The following MAPK10 variants were observed in gnomAD, a reference collection of about 807,000 sequenced individuals.
The protein encoded by MAPK10 is mitogen-activated protein kinase 10.
Under a neutral mutation model 59.3 loss-of-function variants are expected in MAPK10, and 25 were observed. The observed-to-expected ratio is 0.42, with a 90% CI of 0.31 to 0.59. The LOEUF is 0.59. Ranked by LOEUF, MAPK10 falls within the 20% of genes least tolerant of loss-of-function variation. The pLI is 0.15. For missense variants in MAPK10, 351 were observed against 568.9 expected, an observed-to-expected ratio of 0.62 and a Z score of 3.90; for synonymous variants, 190 against 200.5, an observed-to-expected ratio of 0.95 and a Z score of 0.44.
chr4:86,504,519 A>G (rs1052911096), intron 1 of MAPK10, among the ~76,000 whole-genome samples: 3 of 152,192 alleles, frequency 2.0e-5, no homozygotes, highest in African/African-American at 7.2e-5. Context: ...ACAGTTTACT[A>G]TTATGTAGGA....
At chr4:86,321,907 G>C (rs1209008351) in intron 2 of MAPK10, 1 of 150,092 alleles carries the variant, frequency 6.7e-6, no homozygotes, top group Non-Finnish European at 1.5e-5. Flanking sequence ...ATGTTTTCCA[G>C]GCTGGTCTCA....
At chr4:86,182,476 G>A (rs1453866107) in intron 3 of MAPK10, among the ~76,000 whole-genome samples, 1 of 152,084 alleles carries the variant, frequency 6.6e-6, no homozygotes, top group Non-Finnish European at 1.5e-5. Context: ...TTATTGACAA[G>A]TTTTTTAAGA....
intron 1 of MAPK10, among the ~76,000 whole-genome samples, chr4:86,470,292 T>C (rs1344846587): frequency 1.3e-5 from 2 of 152,182 alleles, no homozygotes; most frequent in Non-Finnish European, 2.9e-5. Flanking sequence ...AACTGAAACA[T>C]GAAGTTGATG....
At chr4:86,053,588 T>C (rs1291628715) in intron 11 of MAPK10, among the ~76,000 whole-genome samples, 1 of 152,194 alleles carries the variant, frequency 6.6e-6, no homozygotes, top group Non-Finnish European at 1.5e-5. Flanking sequence ...GTATAAAATT[T>C]GGTAAATTTT....
intron 1 of MAPK10, among the ~76,000 whole-genome samples, chr4:86,587,031 T>C (rs1762696115): frequency 6.6e-6 from 1 of 152,212 alleles, no homozygotes; most frequent in African/African-American, 2.4e-5. Context: ...CTTTTTGTTG[T>C]TTGGCTTTAA....
intron 2 of MAPK10, among the ~76,000 whole-genome samples, chr4:86,287,007 T>C (rs1296663593): frequency 6.6e-6 from 1 of 152,176 alleles, no homozygotes; most frequent in African/African-American, 2.4e-5. Flanking sequence ...TAAGGGACTT[T>C]AAGCTGCATT....
At chr4:86,572,086 T>C (rs1254822886) in intron 1 of MAPK10, among the ~76,000 whole-genome samples, 1 of 152,158 alleles carries the variant, frequency 6.6e-6, no homozygotes, top group African/African-American at 2.4e-5. Context: ...AATCACACAA[T>C]TCTTATTTTG....
At chr4:86,174,550 A>G (rs971357707) in intron 3 of MAPK10, among the ~76,000 whole-genome samples, 4 of 152,200 alleles carry the variant, frequency 2.6e-5, no homozygotes, top group African/African-American at 7.2e-5. Flanking sequence ...ATCATGGCAC[A>G]TATTTACCTA....
chr4:86,527,382 T>C (rs958991464), intron 1 of MAPK10, among the ~76,000 whole-genome samples: 1 of 104,452 alleles, frequency 9.6e-6, no homozygotes, highest in African/African-American at 3.8e-5. Flanking sequence ...AAAGAAGACA[T>C]ATAAATGGCC....
chr4:86,362,082 GATA>G (rs151140443), upstream of MAPK10, among the ~76,000 whole-genome samples: 1,544 of 152,144 alleles, frequency 0.01, 30 homozygotes, highest in African/African-American at 0.035. Flanking sequence ...TGAGGTGACA[GATA>G]ATGAGCCTGA....
At chr4:86,215,718 C>T (rs113746556) in intron 2 of MAPK10, among the ~76,000 whole-genome samples, 46 of 152,046 alleles carry the variant, frequency 3.0e-4, no homozygotes, top group Admixed American at 5.2e-4. Context: ...AAAAATTAGC[C>T]GGGCGTTGTG....
rs150745624 is a variant in MAPK10 at position 86,541,800 on chromosome 4, G to C, written c.-263+52110C>G. Among the ~76,000 whole-genome samples the C allele has an allele frequency of 1.3e-3, 198 of 152,222 alleles. 1 individual carries two copies. The highest frequency in any genetic ancestry group is 2.2e-3 in the Admixed American group (34 of 15,282). ...TGGGTCCTAATCTTCCAAAGCCTGGGTGTTTTTTATTCTGTGGACTGCCAA... is the reference window on the plus strand; with the variant it reads ...TGGGTCCTAATCTTCCAAAGCCTGGCTGTTTTTTATTCTGTGGACTGCCAA... On this transcript the variant is annotated intron_variant, in intron 1 of 4. Transcript: ENST00000502302.
At chr4:86,147,742 A>G (rs2065355753) in intron 4 of MAPK10, among the ~76,000 whole-genome samples, 1 of 152,242 alleles carries the variant, frequency 6.6e-6, no homozygotes, top group Non-Finnish European at 1.5e-5. Context: ...AAATTGGTAT[A>G]GTATTTAATA....
chr4:86,128,696 C>A (rs2060487982), intron 4 of MAPK10, among the ~76,000 whole-genome samples: 1 of 151,938 alleles, frequency 6.6e-6, no homozygotes, highest in South Asian at 2.1e-4. Context: ...ACTATGTTTG[C>A]TATTTTTCCA....
At chr4:86,375,734 A>T (rs1274411627) in intron 1 of MAPK10, among the ~76,000 whole-genome samples, 3 of 151,102 alleles carry the variant, frequency 2.0e-5, no homozygotes, top group Admixed American at 1.3e-4. Context: ...AAAAAAAAAA[A>T]AAAAAAAAAT....
At chr4:86,569,590 AT>A (rs1391201433) in intron 1 of MAPK10, among the ~76,000 whole-genome samples, 1 of 152,216 alleles carries the variant, frequency 6.6e-6, no homozygotes, top group Non-Finnish European at 1.5e-5. Context: ...AAAATGTGGT[AT>A]TATATATACC....
At chr4:86,333,785 A>G (rs1211615750) in intron 2 of MAPK10, among the ~76,000 whole-genome samples, 3 of 152,200 alleles carry the variant, frequency 2.0e-5, no homozygotes, top group Non-Finnish European at 4.4e-5. Flanking sequence ...AAAATCAGGG[A>G]TCACAGTAGC....
chr4:86,043,107 G>T (rs976588807), intron 11 of MAPK10, among the ~76,000 whole-genome samples: 2 of 152,048 alleles, frequency 1.3e-5, no homozygotes, highest in South Asian at 4.1e-4. Context: ...TATACATCTG[G>T]AACTCAGGCC....
At chr4:86,160,247 C>T (rs777440501) in intron 3 of MAPK10, 4 of 151,894 alleles carry the variant, frequency 2.6e-5, no homozygotes, top group Non-Finnish European at 5.9e-5. Context: ...ATATCCATTA[C>T]CTGTGATTAT....
Sources: allele counts gnomAD v4.1 joint callset (sites outside exome capture counted in the v4.1 genomes callset), GRCh38; gene constraint gnomAD v4.1.1; transcripts MANE v1.5; gene names NCBI Gene and HGNC (gene_info 2026-07-23, HGNC 2026-07-21).